Variants in SGSM2 observed in about 807,000 individuals in gnomAD.
SGSM2 encodes the protein RUN and TBC1 domain containing 1.
In SGSM2, 89 loss-of-function variants were observed where a neutral mutation model predicts 126.6. The observed-to-expected ratio is 0.70, with a 90% CI of 0.59 to 0.84. SGSM2 has a LOEUF of 0.84. Among genes scored for constraint, SGSM2 ranks in the 40% least tolerant of loss-of-function variants. SGSM2 has a pLI of 0.00. For missense variants in SGSM2, 1,404 were observed against 1,416.6 expected (o/e 0.99, Z 0.14); for synonymous variants, 614 against 574.3 (o/e 1.07, Z -0.99).
Position 2,375,695 on chromosome 17 carries a change from A to G in SGSM2, c.2304A>G (p.Leu768=), listed in dbSNP as rs148080098. The G allele has an allele frequency of 2.5e-6, 4 of 1,613,388 alleles. No individual in the cohort carries two copies. The African/African-American group carries it at 5.3e-5, about 22-fold the overall frequency. ...TGGCCTCGGGCATCCAGTCAAGCCT[A>G]GATGAGGGGCAGAGCGTGGGCTTCG... The part of the protein sequence containing the change: ...YSVASGIQSS[L]DEGQSVGFEE... Residue 768 remains leucine, a synonymous_variant, in exon 18 of 24, where the codon CTA becomes CTG. Transcript: ENST00000268989.
intron 2 of SGSM2, among the ~76,000 whole-genome samples, chr17:2,359,389 G>A (rs1407991134): frequency 6.6e-6 from 1 of 152,166 alleles, no homozygotes; most frequent in Non-Finnish European, 1.5e-5. Context: ...AGCCCACAGA[G>A]CTGAGTCAGT....
intron 2 of SGSM2, among the ~76,000 whole-genome samples, chr17:2,358,871 TTG>T (rs1417430401): frequency 9.1e-5 from 8 of 88,192 alleles, no homozygotes; most frequent in African/African-American, 9.9e-5. Context: ...GTTGTTGTTG[TTG>T]TTTTTTTTTT....
rs547282954 is a variant in SGSM2 at position 2,349,361 on chromosome 17, C to T, written c.133+5741C>T. On this transcript the variant is annotated intron_variant, in intron 2 of 23. Coordinates refer to ENST00000268989, the MANE Select transcript of SGSM2 (RefSeq NM_014853.3). ...CTGCACTCCAGCCTGGGCGACAGAG[C>T]GAGACTTGGTCTAAAAAAAAAAAGT... Among the ~76,000 whole-genome samples, 7 of 132,712 alleles carry T rather than the reference C, an allele frequency of 5.3e-5. No homozygotes were observed. In the East Asian group the frequency reaches 1.3e-3, roughly 24 times the overall value. The allele number at this position is 132,712 out of a possible 152,430, so 87.1% of individuals were successfully genotyped here. A position where few individuals can be genotyped will look rare whatever the true frequency, so the allele number is the denominator to read the frequency against.
intron 20 of SGSM2, 69 bp downstream of exon 20, chr17:2,376,884 G>A: frequency 1.2e-6 from 2 of 1,606,110 alleles, no homozygotes; most frequent in Non-Finnish European, 1.7e-6. Flanking sequence ...GGCCAGGTCT[G>A]GAGGGGTGGG....
Position 2,376,755 on chromosome 17 carries a change from G to A in SGSM2, c.2632G>A (p.Val878Met), listed in dbSNP as rs746902247. ...MCSYVWEHLD[V>M]GYVQGMCDLL... ...CAGCTACGTGTGGGAGCACCTGGAC[G>A]TGGGCTATGTGCAGGGCATGTGCGA... The change falls in exon 20 of 24, where the codon GTG becomes ATG. Residue 878 changes from valine (V) to methionine (M), a missense_variant. Val to Met is a conservative substitution (Grantham distance 21, BLOSUM62 1). Coordinates refer to ENST00000268989, the MANE Select transcript of SGSM2 (RefSeq NM_014853.3). 32 of 1,614,048 alleles carry A rather than the reference G, an allele frequency of 2.0e-5. No homozygotes were observed. Among genetic ancestry groups the A allele is most frequent in the Non-Finnish European group, 2.5e-5 (29 of 1,180,030 alleles).
At chr17:2,373,123 C>G in intron 16 of SGSM2, 42 bp downstream of exon 16, 3 of 1,607,022 alleles carry the variant, frequency 1.9e-6, no homozygotes, top group African/African-American at 1.3e-5. Context: ...AGATGGGGAG[C>G]TGGGCCAGGG....
In SGSM2 at chr17:2,340,455, A is replaced by G. The variant is rs761586164; in HGVS notation, c.57+2710A>G. ...TTTTCCACCAGTGCTTAGAAACTGGACTATACTGCTCCAAAAGTGATTCCT... is the reference window on the plus strand; with the variant it reads ...TTTTCCACCAGTGCTTAGAAACTGGGCTATACTGCTCCAAAAGTGATTCCT... On this transcript the variant is annotated intron_variant, in intron 1 of 23. Coordinates refer to ENST00000268989, the MANE Select transcript of SGSM2 (RefSeq NM_014853.3). Among the ~76,000 whole-genome samples, 10 of 152,290 alleles carry G rather than the reference A, an allele frequency of 6.6e-5. No homozygotes were observed. In the East Asian group the frequency reaches 7.7e-4, roughly 12 times the overall value.
chr17:2,368,148 C>G (rs572054186), intron 12 of SGSM2, among the ~76,000 whole-genome samples: 1 of 152,338 alleles, frequency 6.6e-6, no homozygotes, highest in Non-Finnish European at 1.5e-5. Context: ...TGTTCCTGCC[C>G]TCATGAGTCT....
At chr17:2,370,473 C>T (rs2065816414) in intron 12 of SGSM2, among the ~76,000 whole-genome samples, 1 of 152,262 alleles carries the variant, frequency 6.6e-6, no homozygotes, top group South Asian at 2.1e-4. Flanking sequence ...GCCTGTTCTT[C>T]TCTGTCACAT....
rs1352890781 is a variant in SGSM2, at chr17:2,380,009, T to C, written c.*489T>C. On this transcript the variant is annotated 3_prime_UTR_variant, in exon 24 of 24. Transcript: ENST00000268989. Reference sequence around the variant, plus strand: ...CAGCCCCAGCTGGAGCAACCAAAACTGCTTCTGGTTTAGGCACACGTCACG... The same window carrying C: ...CAGCCCCAGCTGGAGCAACCAAAACCGCTTCTGGTTTAGGCACACGTCACG... The C allele has an allele frequency of 5.0e-6, 7 of 1,391,310 alleles. No homozygotes were observed. The East Asian group carries it at 8.1e-5, about 16-fold the overall frequency. 86.2% of individuals were successfully genotyped at this position (1,391,310 alleles called of 1,614,324 possible).
At chr17:2,371,612 TCA>T (rs2065876479) in intron 13 of SGSM2, 197 bp downstream of exon 13, 9 of 614,000 alleles carry the variant, frequency 1.5e-5, no homozygotes, top group African/African-American at 3.8e-5. Context: ...TTTCTGAACC[TCA>T]GTTTCCTCAT....
intron 17 of SGSM2, 125 bp downstream of exon 17, chr17:2,373,638 C>G (rs1228697979): frequency 3.7e-6 from 3 of 809,566 alleles, no homozygotes; most frequent in South Asian, 1.8e-5. Flanking sequence ...GCCTAAGGTG[C>G]CTGTGTCTCA....
chr17:2,340,732 CT>C (rs1199202253), intron 1 of SGSM2, among the ~76,000 whole-genome samples: 2 of 151,924 alleles, frequency 1.3e-5, no homozygotes, highest in African/African-American at 4.8e-5. Context: ...CTACAGGCGC[CT>C]GCCACCACGC....
intron 2 of SGSM2, among the ~76,000 whole-genome samples, chr17:2,343,886 T>G (rs2064481154): frequency 6.6e-6 from 1 of 152,206 alleles, no homozygotes; most frequent in Non-Finnish European, 1.5e-5. Flanking sequence ...CTGAAGGGCT[T>G]GGTAGAACAC....
intron 2 of SGSM2, among the ~76,000 whole-genome samples, chr17:2,353,561 G>A (rs2064964196): frequency 2.0e-5 from 3 of 152,080 alleles, no homozygotes; most frequent in African/African-American, 2.4e-5. Context: ...TCAGGAGTTC[G>A]AGACCAGCCT....
At chr17:2,370,623 G>A (rs763047346) in intron 12 of SGSM2, among the ~76,000 whole-genome samples, 1 of 150,958 alleles carries the variant, frequency 6.6e-6, no homozygotes, top group Non-Finnish European at 1.5e-5. Flanking sequence ...GGCAGGGATG[G>A]AGCAGAGCTC....
At chr17:2,342,567 A>G (rs2064419746) in intron 1 of SGSM2, among the ~76,000 whole-genome samples, 1 of 152,166 alleles carries the variant, frequency 6.6e-6, no homozygotes, top group Non-Finnish European at 1.5e-5. Context: ...TTCTTGCTCT[A>G]GTTGCTGATT....
chr17:2,337,708 C>T lies in SGSM2; in HGVS notation c.20C>T (p.Ala7Val), dbSNP rs774936087. 2 of 1,540,154 alleles carry T rather than the reference C, an allele frequency of 1.3e-6. No homozygotes were observed. Among genetic ancestry groups the T allele is most frequent in the East Asian group, 2.6e-5 (1 of 38,982 alleles). MGSAED[A>V]VKEKLLWNVK... ...CACACCATGGGCAGCGCAGAGGACGCAGTCAAAGAGAAACTGCTGTGGAAC... is the reference window on the plus strand; with the variant it reads ...CACACCATGGGCAGCGCAGAGGACGTAGTCAAAGAGAAACTGCTGTGGAAC... The change falls in exon 1 of 24, where the codon GCA becomes GTA. Residue 7 changes from alanine to valine, a missense_variant. Coordinates refer to ENST00000268989, the MANE Select transcript of SGSM2 (RefSeq NM_014853.3). This position sits in a 1 kb window ranked among gnomAD's most constrained non-coding sequence, Gnocchi z 5.1.
At chr17:2,359,849 C>G (rs2065238713) in intron 2 of SGSM2, among the ~76,000 whole-genome samples, 2 of 152,176 alleles carry the variant, frequency 1.3e-5, no homozygotes, top group African/African-American at 4.8e-5. Context: ...TGCTGCTTCT[C>G]TCCCCACTCT....
Sources: gnomAD v4.1 joint callset for allele counts (sites outside exome capture counted in the v4.1 genomes callset) on GRCh38, gnomAD v4.1.1 for gene constraint, Gnocchi (gnomAD v3.1) non-coding constraint, MANE v1.5 for transcripts, NCBI Gene and HGNC (gene_info 2026-07-23, HGNC 2026-07-21) for gene names.